Variants in TLE2 observed in about 807,000 individuals in gnomAD.
The protein encoded by TLE2 is transducin-like enhancer protein 2.
TLE2 carries 74 observed loss-of-function variants against 97.2 expected under a neutral mutation model. That is an observed-to-expected ratio of 0.76 (90% CI 0.63 to 0.92). The LOEUF (loss-of-function observed/expected upper bound fraction) is 0.92. Among genes scored for constraint, TLE2 ranks in the 40% least tolerant of loss-of-function variants. The pLI, the probability that TLE2 is intolerant of heterozygous loss-of-function variation, is 0.00. For synonymous variants in TLE2, 499 were observed against 432.1 expected (o/e 1.15, Z -1.92); for missense variants, 1,038 against 1,008.7 (o/e 1.03, Z -0.39).
At position 2,997,813 on chromosome 19, in the gene TLE2, G is replaced by A. The variant is rs1359174921; in HGVS notation, c.*35C>T. The A allele has an allele frequency of 1.3e-6, 2 of 1,491,908 alleles. No individual in the cohort carries two copies. Among genetic ancestry groups the A allele is most frequent in the Non-Finnish European group, 1.8e-6 (2 of 1,084,090 alleles). 92.4% of individuals were successfully genotyped at this position (1,491,908 alleles called of 1,614,324 possible). ...GTCCTGGCTGCTGATTCCCCTGGGA[G>A]TCTGGACTTCGGGTACAGGAAGGGG... On this transcript the variant is annotated 3_prime_UTR_variant, in exon 20 of 20. Transcript: ENST00000262953.
intron 15 of TLE2, 167 bp from the exon 16 acceptor site, chr19:3,006,135 T>C (rs1371202087): frequency 1.0e-6 from 1 of 966,068 alleles, no homozygotes; most frequent in East Asian, 2.4e-5. Flanking sequence ...CTGCAAACAC[T>C]GCCCCATCTG....
At chr19:3,017,451 TC>T (rs1221031084) in intron 8 of TLE2, among the ~76,000 whole-genome samples, 93 of 109,474 alleles carry the variant, frequency 8.5e-4, no homozygotes, top group African/African-American at 3.7e-3. Context: ...TTTCTTTCTT[TC>T]TTTTTTTTTT....
At chr19:3,026,455 TAAA>T (rs34783402) in intron 4 of TLE2, among the ~76,000 whole-genome samples, 3,060 of 111,268 alleles carry the variant, frequency 0.028, 115 homozygotes, top group African/African-American at 0.091. Context: ...TCTCAAAATT[TAAA>T]AAAAAAAAAA....
At chr19:3,011,429 G>A (rs2089593714) in intron 11 of TLE2, among the ~76,000 whole-genome samples, 1 of 151,882 alleles carries the variant, frequency 6.6e-6, no homozygotes. Flanking sequence ...CTACTTGGGA[G>A]GCTGAGGCAG....
chr19:3,005,058 C>G (rs535957305), intron 17 of TLE2, among the ~76,000 whole-genome samples: 3 of 152,186 alleles, frequency 2.0e-5, no homozygotes, highest in African/African-American at 7.2e-5. Flanking sequence ...CAGTAGCTCC[C>G]CCATGGTTAG....
intron 7 of TLE2, among the ~76,000 whole-genome samples, chr19:3,018,158 G>T (rs1010744383): frequency 1.3e-5 from 2 of 152,224 alleles, no homozygotes; most frequent in East Asian, 3.9e-4. Context: ...ACGAGTTGGG[G>T]TCTTGCTCTG....
At position 3,029,012 on chromosome 19, in the gene TLE2, AG is replaced by A; in HGVS notation, c.-109del. ...TGGTGGGGAGGCTGCCCGAAGAAAG[AG>A]GGAGGAGGGAGAAGCGGCGCGGGGC... On this transcript the variant is annotated 5_prime_UTR_variant, in exon 1 of 20. Coordinates refer to ENST00000262953, the MANE Select transcript of TLE2 (RefSeq NM_003260.5). 6.6e-7 allele frequency: 1 copy of A among 1,516,626 alleles called. No individual in the cohort carries two copies. The highest frequency in any genetic ancestry group is 1.3e-5 in the South Asian group (1 of 77,686). 93.9% of individuals were successfully genotyped at this position (1,516,626 alleles called of 1,614,324 possible).
At position 3,019,416 on chromosome 19, in the gene TLE2, G is replaced by A. The variant is rs1335859038; in HGVS notation, c.417C>T (p.Thr139=). 3 of 1,538,234 alleles carry A rather than the reference G, an allele frequency of 2.0e-6. No individual in the cohort carries two copies. The highest frequency in any genetic ancestry group is 1.2e-5 in the South Asian group (1 of 84,078). The change falls in exon 7 of 20, where the codon ACC becomes ACT. Residue 139 remains threonine, a synonymous_variant. Transcript: ENST00000262953. The surrounding 1 kb of genome is among the most constrained non-coding windows in gnomAD (Gnocchi z 5.1). ...LSHHAPPVPL[T]PRPAGLVGGS... is the part of the protein sequence containing the mutation. ...CGCCCACCAGCCCGGCTGGGCGGGG[G>A]GTGAGGGGCACAGGGGGTGCGTGGT...
Position 3,028,926 on chromosome 19 carries a change from C to T in TLE2, c.-22G>A. The stretch of plus-strand genomic sequence containing the variant: ...ACATCCTGCCGATCCGAAAAGCCCC[C>T]CAGGCGCCACCAGAGCTTGATGATA... On this transcript the variant is annotated 5_prime_UTR_variant, in exon 1 of 20. Transcript: ENST00000262953. The T allele has an allele frequency of 1.2e-6, 2 of 1,608,082 alleles. No individual in the cohort carries two copies. The highest frequency in any genetic ancestry group is 1.7e-6 in the Non-Finnish European group (2 of 1,178,480).
At position 3,011,148 on chromosome 19, in the gene TLE2, C is replaced by T. The variant is rs118030930; in HGVS notation, c.886G>A (p.Ala296Thr). 0.014 allele frequency: 21,632 copies of T among 1,599,560 alleles called. 375 individuals carry two copies. Among genetic ancestry groups the T allele is most frequent in the Admixed American group, 0.078 (4,510 of 58,120 alleles). Reference protein sequence around the residue: ...AKELILNDLPASTPASKSCDS... With the variant: ...AKELILNDLPTSTPASKSCDS... ...CAGGATTTGGAGGCAGGAGTGCTGG[C>T]GGGAAGGTCATTCTGCAGAGAAAGG... is the stretch of plus-strand genomic sequence containing the variant. The change falls in exon 12 of 20, where the codon GCC (alanine) becomes ACC (threonine). Residue 296 changes from alanine (A) to threonine (T), a missense_variant. Ala to Thr is a moderately conservative substitution (Grantham distance 58). Coordinates refer to ENST00000262953, the MANE Select transcript of TLE2 (RefSeq NM_003260.5).
At chr19:3,017,023 C>A (rs2089722096) in intron 8 of TLE2, among the ~76,000 whole-genome samples, 1 of 117,814 alleles carries the variant, frequency 8.5e-6, no homozygotes. Context: ...AGTGATCCAC[C>A]CACCTTGGCC....
intron 5 of TLE2, among the ~76,000 whole-genome samples, chr19:3,020,958 G>A (rs932353850): frequency 4.6e-5 from 7 of 151,470 alleles, no homozygotes; most frequent in Admixed American, 4.0e-4. Context: ...ACGTGGCGGC[G>A]GGTGCCTATA....
At chr19:3,021,013 C>A (rs1375675734) in intron 5 of TLE2, among the ~76,000 whole-genome samples, 9 of 143,892 alleles carry the variant, frequency 6.3e-5, no homozygotes, top group Non-Finnish European at 1.2e-4. Context: ...CACTTGAACC[C>A]AAGAGGCACA....
chr19:3,027,171 T>G (rs2089961918), intron 4 of TLE2, among the ~76,000 whole-genome samples: 1 of 152,274 alleles, frequency 6.6e-6, no homozygotes, highest in Admixed American at 6.5e-5. Flanking sequence ...TTCAGAACCC[T>G]GAAGTCTGTC....
At chr19:3,017,726 A>G in intron 8 of TLE2, 114 bp downstream of exon 8, 1 of 993,788 alleles carries the variant, frequency 1.0e-6, no homozygotes, top group South Asian at 1.7e-5. Context: ...TGCTGGGATC[A>G]AAGGCGTGAG....
At chr19:2,998,699 C>G (rs1403457206) in intron 19 of TLE2, among the ~76,000 whole-genome samples, 1 of 152,164 alleles carries the variant, frequency 6.6e-6, no homozygotes, top group Non-Finnish European at 1.5e-5. Flanking sequence ...AAGCGTGAGC[C>G]ACCGCGCCCG....
intron 1 of TLE2, among the ~76,000 whole-genome samples, chr19:3,044,577 G>A (rs542627994): frequency 1.3e-5 from 2 of 152,232 alleles, no homozygotes; most frequent in East Asian, 1.9e-4. Flanking sequence ...GCGCCACCAC[G>A]CCCGGCTAAT....
intron 1 of TLE2, among the ~76,000 whole-genome samples, chr19:3,038,430 C>T (rs1193965507): frequency 6.6e-6 from 1 of 152,176 alleles, no homozygotes; most frequent in Non-Finnish European, 1.5e-5. Flanking sequence ...CCAGACTGGT[C>T]TTCAACTCCT....
chr19:3,040,198 C>G (rs2090089935), intron 1 of TLE2, among the ~76,000 whole-genome samples: 1 of 152,178 alleles, frequency 6.6e-6, no homozygotes, highest in South Asian at 2.1e-4. Flanking sequence ...GGACTCCCGT[C>G]TCTATCTCCA....
Sources: gnomAD v4.1 joint callset for allele counts (sites outside exome capture counted in the v4.1 genomes callset) on GRCh38, gnomAD v4.1.1 for gene constraint, Gnocchi (gnomAD v3.1) non-coding constraint, MANE v1.5 for transcripts, NCBI Gene and HGNC (gene_info 2026-07-23, HGNC 2026-07-21) for gene names.